ANKRD44: variants seen among roughly 807,000 people sequenced by gnomAD.
The protein encoded by ANKRD44 is ankyrin repeat domain 44.
In ANKRD44, 35 loss-of-function variants were observed where a neutral mutation model predicts 116.0. The ratio of observed to expected loss-of-function variants is 0.30; its 90% confidence interval spans 0.23 to 0.40. ANKRD44 has a LOEUF of 0.40. Among genes scored for constraint, ANKRD44 ranks in the 10% least tolerant of loss-of-function variants. The probability of loss-of-function intolerance (pLI) is 1.00; values close to 1 mark genes in which losing one functional copy is unlikely to be tolerated. For missense variants in ANKRD44, 1,014 were observed against 1,242.6 expected (o/e 0.82, Z 2.77); for synonymous variants, 435 against 461.8 (o/e 0.94, Z 0.74).
chr2:197,164,676 C>T (rs1210788396), intron 2 of ANKRD44, among the ~76,000 whole-genome samples: 4 of 152,300 alleles, frequency 2.6e-5, no homozygotes, highest in East Asian at 1.9e-4. Context: ...CGGACGTCCG[C>T]TTTCTCGCCA....
intron 1 of ANKRD44, among the ~76,000 whole-genome samples, chr2:197,295,022 T>C (rs1473274378): frequency 6.6e-6 from 1 of 152,180 alleles, no homozygotes; most frequent in Non-Finnish European, 1.5e-5. Flanking sequence ...TCTACAGTGA[T>C]TCCTAGGCAG....
At chr2:197,013,067 A>G (rs1303513421) in intron 18 of ANKRD44, among the ~76,000 whole-genome samples, 1 of 152,260 alleles carries the variant, frequency 6.6e-6, no homozygotes, top group Non-Finnish European at 1.5e-5. Context: ...TTAGGCTGGC[A>G]GAATGATGTA....
chr2:197,084,980 T>G (rs573425005), intron 13 of ANKRD44, among the ~76,000 whole-genome samples: 1 of 152,160 alleles, frequency 6.6e-6, no homozygotes, highest in Admixed American at 6.5e-5. Flanking sequence ...ATAGTGTTAG[T>G]ATCAGAAAAC....
At position 197,024,935 on chromosome 2, in the gene ANKRD44, T is replaced by C. The variant is rs189715723; in HGVS notation, c.1722+261A>G. Among the ~76,000 whole-genome samples the C allele has an allele frequency of 8.5e-5, 13 of 152,338 alleles. No homozygotes were observed. The East Asian group carries it at 2.5e-3, about 29-fold the overall frequency. On this transcript the variant is annotated intron_variant, in intron 17 of 27. Transcript: ENST00000282272. ...AAGGTTAAGGGCTTTGGGTGCATTA[T>C]CTCTTTTCATTTGCCCTCATTTCGC... is the stretch of plus-strand genomic sequence containing the variant.
chr2:197,310,543 C>T, intron 1 of ANKRD44, 35 bp downstream of exon 1: 2 of 1,107,514 alleles, frequency 1.8e-6, no homozygotes, highest in Non-Finnish European at 2.2e-6. Context: ...GCCCCGCGCC[C>T]GCGCGTCCCG....
intron 1 of ANKRD44, among the ~76,000 whole-genome samples, chr2:197,286,732 G>T (rs144959790): frequency 1.6e-4 from 25 of 151,676 alleles, no homozygotes; most frequent in Non-Finnish European, 3.4e-4. Context: ...GTACGAATTG[G>T]TTTCTATTCA....
chr2:197,012,191 T>A lies in ANKRD44; in HGVS notation c.1924+1320A>T, dbSNP rs138988406. On this transcript the variant is annotated intron_variant, in intron 18 of 27. Transcript: ENST00000282272. Reference sequence around the variant, plus strand: ...CCAGTGACAGTGTCTTTTTAGTGAATGACAGGAGGAAAATCCAAGCTGACT... The same window carrying A: ...CCAGTGACAGTGTCTTTTTAGTGAAAGACAGGAGGAAAATCCAAGCTGACT... Among the ~76,000 whole-genome samples, 309 of 152,322 alleles carry A rather than the reference T, an allele frequency of 2.0e-3. 3 individuals are homozygous for A. The highest frequency in any genetic ancestry group is 7.1e-3 in the African/African-American group (295 of 41,576).
rs2075845149 is a variant in ANKRD44 at position 196,987,005 on chromosome 2, T to A, written c.*2586A>T. 3 of 985,208 alleles carry A rather than the reference T, an allele frequency of 3.0e-6. No individual in the cohort carries two copies. The East Asian group carries it at 3.4e-4, about 112-fold the overall frequency. The allele number at this position is 985,208 out of a possible 1,614,324, so 61.0% of individuals were successfully genotyped here. Reference sequence around the variant, plus strand: ...TGGCACCAGATTTGTATCATCGTGCTTTACAAAGATATATTGCACATGCTA... The same window carrying A: ...TGGCACCAGATTTGTATCATCGTGCATTACAAAGATATATTGCACATGCTA... On this transcript the variant is annotated 3_prime_UTR_variant, in exon 28 of 28. Coordinates refer to ENST00000282272, the MANE Select transcript of ANKRD44 (RefSeq NM_001195144.2).
rs1158093837 is a variant in ANKRD44 at position 197,273,972 on chromosome 2, AAAAAAAAAATATATATATATATATATAT to A, written c.27+36578_27+36605del. ...AGTCAACCAACCACAAAAAAAAAAA[AAAAAAAAAATATATATATATATATATAT>A]ATATATATATATATATATATATATA... On this transcript the variant is annotated intron_variant, in intron 1 of 27. Transcript: ENST00000282272. 8.8e-4 allele frequency among the ~76,000 whole-genome samples: 27 copies of A among 30,544 alleles called. 3 individuals carry two copies. The highest frequency in any genetic ancestry group is 1.6e-3 in the Admixed American group (4 of 2,566). The allele number at this position is 30,544 out of a possible 152,430, so 20.0% of individuals were successfully genotyped here.
intron 13 of ANKRD44, among the ~76,000 whole-genome samples, chr2:197,085,313 T>C (rs2077893950): frequency 6.6e-6 from 1 of 152,182 alleles, no homozygotes; most frequent in Non-Finnish European, 1.5e-5. Flanking sequence ...GAGAAAATGA[T>C]ACCCAGTTCT....
intron 13 of ANKRD44, among the ~76,000 whole-genome samples, chr2:197,084,730 T>G (rs1284869270): frequency 6.6e-6 from 1 of 152,010 alleles, no homozygotes; most frequent in Non-Finnish European, 1.5e-5. Flanking sequence ...TCTCTCTCAT[T>G]AGTTGACTTT....
chr2:197,273,992 T>A (rs1206528081), intron 1 of ANKRD44, among the ~76,000 whole-genome samples: 2,530 of 16,416 alleles, frequency 0.15, 477 homozygotes, highest in Non-Finnish European at 0.22. Context: ...TATATATATA[T>A]ATATATATAT....
At position 197,070,341 on chromosome 2, in the gene ANKRD44, G is replaced by A. The variant is rs148938700; in HGVS notation, c.1650+8362C>T. On this transcript the variant is annotated intron_variant, in intron 16 of 27. Transcript: ENST00000282272. Reference sequence around the variant, plus strand: ...TCTTTTACCGTTAAGTAAATTAGCTGTTCTTTATCAAGTTGTTACATGCTC... The same window carrying A: ...TCTTTTACCGTTAAGTAAATTAGCTATTCTTTATCAAGTTGTTACATGCTC... Among the ~76,000 whole-genome samples, 467 of 152,202 alleles carry A rather than the reference G, an allele frequency of 3.1e-3. 2 individuals are homozygous for A. The highest frequency in any genetic ancestry group is 0.011 in the African/African-American group (439 of 41,548).
chr2:197,015,832 T>G, intron 17 of ANKRD44: 1 of 510,136 alleles, frequency 2.0e-6, no homozygotes, highest in South Asian at 1.8e-5. Flanking sequence ...AGGAGGAAAC[T>G]TTGGTGGTGG....
At chr2:197,015,617 G>C in intron 17 of ANKRD44, 2 of 549,732 alleles carry the variant, frequency 3.6e-6, no homozygotes, top group Non-Finnish European at 6.6e-6. Context: ...AACTTTGGTG[G>C]AAGAAGAGGC....
intron 1 of ANKRD44, among the ~76,000 whole-genome samples, chr2:197,288,982 G>A (rs1333070140): frequency 6.6e-6 from 1 of 152,164 alleles, no homozygotes; most frequent in Non-Finnish European, 1.5e-5. Context: ...TAAATTGTAA[G>A]TCTGGTAGCA....
At chr2:197,033,057 A>C (rs1189120687) in intron 16 of ANKRD44, among the ~76,000 whole-genome samples, 1 of 152,162 alleles carries the variant, frequency 6.6e-6, no homozygotes, top group African/African-American at 2.4e-5. Flanking sequence ...GCTTTAGAAG[A>C]GAGATCTGGG....
At chr2:197,074,943 C>T (rs890361562) in intron 16 of ANKRD44, among the ~76,000 whole-genome samples, 3 of 152,112 alleles carry the variant, frequency 2.0e-5, no homozygotes, top group African/African-American at 7.2e-5. Context: ...TGCTTTCAGT[C>T]TTTCTTCAGA....
At chr2:197,153,865 G>GGA (rs946435581) in intron 2 of ANKRD44, among the ~76,000 whole-genome samples, 2 of 151,954 alleles carry the variant, frequency 1.3e-5, no homozygotes, top group South Asian at 2.1e-4. Flanking sequence ...GGTGGGGAAG[G>GGA]GAGAGAGAGA....
Sources: allele counts gnomAD v4.1 joint callset (sites outside exome capture counted in the v4.1 genomes callset), GRCh38; gene constraint gnomAD v4.1.1; transcripts MANE v1.5; gene names NCBI Gene and HGNC (gene_info 2026-07-23, HGNC 2026-07-21).